The following FUS variants were observed in gnomAD, a reference collection of about 807,000 sequenced individuals.
FUS encodes FUS RNA binding protein, also known as RNA-binding protein FUS.
A neutral mutation model predicts 82.7 loss-of-function variants in FUS; 5 were observed. The observed-to-expected ratio is 0.06, with a 90% CI of 0.03 to 0.13. The LOEUF is 0.13. FUS is among the 10% of genes least tolerant of loss of function. FUS has a pLI of 1.00. For synonymous variants in FUS, 281 were observed against 247.4 expected (o/e 1.14, Z -1.27); for missense variants, 512 against 707.8 (o/e 0.72, Z 3.14).
intron 8 of FUS, 185 bp from the exon 9 acceptor site, chr16:31,188,938 A>G: frequency 1.6e-6 from 1 of 625,124 alleles, no homozygotes; most frequent in Non-Finnish European, 2.8e-6. Flanking sequence ...TAATTGTCAA[A>G]CTGAATCTGA....
At chr16:31,182,109 C>T in intron 1 of FUS, 1 of 426,350 alleles carries the variant, frequency 2.3e-6, no homozygotes, top group South Asian at 2.1e-5. Flanking sequence ...TCCTGCTTCA[C>T]CTCCCGAGTA....
chr16:31,184,620 T>A (rs1328423143), intron 5 of FUS, among the ~76,000 whole-genome samples: 1 of 152,060 alleles, frequency 6.6e-6, no homozygotes, highest in Non-Finnish European at 1.5e-5. Flanking sequence ...ATTTTTTGTA[T>A]TTTTAGTAGA....
intron 3 of FUS, 24 bp from the exon 4 acceptor site, chr16:31,183,834 A>T (rs1457609738): frequency 6.2e-7 from 1 of 1,613,016 alleles, no homozygotes; most frequent in East Asian, 2.2e-5. Flanking sequence ...GGCTTTTGTG[A>T]CTCCCTTTTT....
chr16:31,191,384 T>C lies in FUS; in HGVS notation c.1542-15T>C, dbSNP rs2079356920. On this transcript the variant is annotated splice_polypyrimidine_tract_variant and intron_variant, in intron 14 of 14. Transcript: ENST00000254108. ...AAATATAATGGATACTTAATTTTTT[T>C]TTTTTTTTTTGCAGGGGTGAGCACA... 2 of 1,610,860 alleles carry C rather than the reference T, an allele frequency of 1.2e-6. No individual in the cohort carries two copies. The highest frequency in any genetic ancestry group is 1.7e-6 in the Non-Finnish European group (2 of 1,178,730).
At chr16:31,188,633 C>CCA in intron 8 of FUS, 1 of 561,784 alleles carries the variant, frequency 1.8e-6, no homozygotes, top group Non-Finnish European at 3.2e-6. Flanking sequence ...TGCGTCTGGA[C>CCA]CACACTCAGA....
At chr16:31,185,853 C>T (rs1178181713) in intron 6 of FUS, 1 of 268,856 alleles carries the variant, frequency 3.7e-6, no homozygotes, top group Non-Finnish European at 7.4e-6. Flanking sequence ...GACCTTCTTT[C>T]CTTCCTGCTG....
At chr16:31,189,517 T>C (rs2079320648) in intron 9 of FUS, 148 bp from the exon 10 acceptor site, 5 of 1,058,308 alleles carry the variant, frequency 4.7e-6, no homozygotes, top group South Asian at 1.4e-5. Context: ...TTTTCTTTAA[T>C]GGAGGTTTAC....
intron 8 of FUS, 44 bp downstream of exon 8, chr16:31,188,401 A>G (rs1437362323): frequency 8.8e-6 from 14 of 1,596,926 alleles, no homozygotes; most frequent in Admixed American, 1.7e-5. Context: ...CTAAAGTGGT[A>G]TCAAGACTGC....
At chr16:31,188,060 C>A in intron 7 of FUS, 1 of 549,714 alleles carries the variant, frequency 1.8e-6, no homozygotes, top group East Asian at 3.0e-5. Context: ...CCAGCCTGAG[C>A]TGGGGGAGGC....
At chr16:31,184,903 GTTT>G in intron 5 of FUS, 33 bp from the exon 6 acceptor site, 1 of 1,266,082 alleles carries the variant, frequency 7.9e-7, no homozygotes. Context: ...CAATCTTTTT[GTTT>G]TTTTTTTTTA....
At position 31,185,466 on chromosome 16, in the gene FUS, A is replaced by G. The variant is rs889624642; in HGVS notation, c.764+287A>G. 1.5e-5 allele frequency: 10 copies of G among 646,546 alleles called. 1 individual carries two copies. The highest frequency in any genetic ancestry group is 1.0e-4 in the Admixed American group (5 of 48,026). 40.1% of individuals were successfully genotyped at this position (646,546 alleles called of 1,614,324 possible). ...TAGATACGTATGGATTGGAGTCATT[A>G]ATATCCTAGGCAAGAAACATGGAAG... On this transcript the variant is annotated intron_variant, in intron 6 of 14. Coordinates refer to ENST00000254108, the MANE Select transcript of FUS (RefSeq NM_004960.4).
chr16:31,192,569 T>C (rs2079375919), downstream of FUS: 1 of 491,882 alleles, frequency 2.0e-6, no homozygotes, highest in Non-Finnish European at 4.0e-6. Context: ...ATTTTTATTT[T>C]TTATTTTTAG....
chr16:31,193,398 T>G (rs1032239714), downstream of FUS: 4 of 526,494 alleles, frequency 7.6e-6, no homozygotes, highest in African/African-American at 7.5e-5. Flanking sequence ...CACTGCTGGT[T>G]TCTTTGTTAA....
chr16:31,190,633 G>A, intron 12 of FUS, 109 bp from the exon 13 acceptor site: 1 of 1,250,774 alleles, frequency 8.0e-7, no homozygotes, highest in South Asian at 1.2e-5. Context: ...TTGTCTTTCT[G>A]AAGCTTCAGT....
chr16:31,190,533 T>G (rs2079338898), intron 12 of FUS, 135 bp downstream of exon 12: 2 of 1,392,804 alleles, frequency 1.4e-6, no homozygotes, highest in East Asian at 4.6e-5. Context: ...AGCCAAAAGC[T>G]TACCTAGGTA....
chr16:31,188,384 A>G (rs376054209), intron 8 of FUS, 27 bp downstream of exon 8: 3 of 1,613,256 alleles, frequency 1.9e-6, no homozygotes, highest in African/African-American at 2.7e-5. Flanking sequence ...TGGCATGAAA[A>G]GAGTGGCTAA....
At chr16:31,187,408 ACTT>A (rs967565435) in intron 7 of FUS, 18 of 235,212 alleles carry the variant, frequency 7.7e-5, no homozygotes, top group Non-Finnish European at 1.4e-4. Flanking sequence ...CATGTGCACT[ACTT>A]CAAGAAAGAT....
chr16:31,184,281 T>C lies in FUS; in HGVS notation c.408T>C (p.Tyr136=), dbSNP rs1487903348. The C allele has an allele frequency of 1.9e-6, 3 of 1,614,120 alleles. No homozygotes were observed. In the Admixed American group the frequency reaches 5.0e-5, roughly 27 times the overall value. Residue 136 remains tyrosine (Y), a synonymous_variant, in exon 5 of 15, where the codon TAT becomes TAC. Coordinates refer to ENST00000254108, the MANE Select transcript of FUS (RefSeq NM_004960.4). ...GGAGCTACAGCCAGCAGCCTAGCTATGGTGGACAGCAGCAAAGCTATGGAC... is the reference window on the plus strand; with the variant it reads ...GGAGCTACAGCCAGCAGCCTAGCTACGGTGGACAGCAGCAAAGCTATGGAC... The part of the protein sequence containing the change: ...QSGSYSQQPS[Y]GGQQQSYGQQ...
At chr16:31,190,614 C>CA in intron 12 of FUS, 128 bp from the exon 13 acceptor site, 1 of 1,174,986 alleles carries the variant, frequency 8.5e-7, no homozygotes, top group Non-Finnish European at 1.3e-6. Flanking sequence ...CTCTGAGAAG[C>CA]AAGCCGTTTT....
Sources: gnomAD v4.1 joint callset for allele counts (sites outside exome capture counted in the v4.1 genomes callset) on GRCh38, gnomAD v4.1.1 for gene constraint, MANE v1.5 for transcripts, NCBI Gene and HGNC (gene_info 2026-07-23, HGNC 2026-07-21) for gene names.